Variants in ARHGAP24 observed in about 807,000 individuals in gnomAD.
ARHGAP24 encodes rho GTPase-activating protein 24.
Under a neutral mutation model 76.4 loss-of-function variants are expected in ARHGAP24, and 50 were observed. The ratio of observed to expected loss-of-function variants is 0.65; its 90% CI spans 0.52 to 0.83. The LOEUF (loss-of-function observed/expected upper bound fraction) is 0.83. Among genes scored for constraint, ARHGAP24 ranks in the 40% least tolerant of loss-of-function variants. The pLI is 0.00. For synonymous variants in ARHGAP24, 345 were observed against 323.3 expected, an observed-to-expected ratio of 1.07 and a Z score of -0.72; for missense variants, 930 against 914.2, an observed-to-expected ratio of 1.02 and a Z score of -0.22.
chr4:85,784,931 CTATCTA>C (rs1560631875), intron 3 of ARHGAP24, among the ~76,000 whole-genome samples: 4 of 151,234 alleles, frequency 2.6e-5, no homozygotes, highest in African/African-American at 9.8e-5. Flanking sequence ...ATCTATCTAT[CTATCTA>C]TCTATCTATC....
intron 1 of ARHGAP24, among the ~76,000 whole-genome samples, chr4:85,488,785 T>C (rs2094049752): frequency 6.6e-6 from 1 of 152,176 alleles, no homozygotes; most frequent in Non-Finnish European, 1.5e-5. Flanking sequence ...TTGGCAAAAA[T>C]GGAGAAAAGA....
intron 5 of ARHGAP24, among the ~76,000 whole-genome samples, chr4:85,946,942 C>A (rs1359050931): frequency 2.6e-5 from 4 of 152,164 alleles, no homozygotes; most frequent in African/African-American, 7.2e-5. Context: ...ATTTACATTC[C>A]CATTAACAGT....
At chr4:85,966,763 C>G (rs1006263882) in intron 5 of ARHGAP24, among the ~76,000 whole-genome samples, 1 of 152,044 alleles carries the variant, frequency 6.6e-6, no homozygotes, top group African/African-American at 2.4e-5. Context: ...ATGGATATGA[C>G]ATTATTATTA....
At chr4:85,837,097 C>G (rs1386244149) in intron 3 of ARHGAP24, among the ~76,000 whole-genome samples, 2 of 152,224 alleles carry the variant, frequency 1.3e-5, no homozygotes, top group Admixed American at 6.5e-5. Flanking sequence ...ATATTTATCT[C>G]TGAAAGTTTT....
chr4:85,607,500 A>T (rs75470023), intron 2 of ARHGAP24, among the ~76,000 whole-genome samples: 8,174 of 151,978 alleles, frequency 0.054, 722 homozygotes, highest in African/African-American at 0.19. Context: ...AATATCATGC[A>T]GGAATCATCT....
chr4:86,001,300 A>G lies in ARHGAP24; in HGVS notation c.*578A>G. 2.5e-6 allele frequency: 1 copy of G among 399,094 alleles called. No individual in the cohort carries two copies. Among genetic ancestry groups the G allele is most frequent in the Non-Finnish European group, 4.4e-6 (1 of 226,098 alleles). 24.7% of individuals were successfully genotyped at this position (399,094 alleles called of 1,614,324 possible). A position where few individuals can be genotyped will look rare whatever the true frequency, so the allele number is the denominator to read the frequency against. On this transcript the variant is annotated 3_prime_UTR_variant, in exon 10 of 10. Coordinates refer to ENST00000395184, the MANE Select transcript of ARHGAP24 (RefSeq NM_001025616.3). ...AAATGTAAATAGTTTTATAAAATAC[A>G]GTCGAATCACCAGGAACCTTTGAGC...
intron 2 of ARHGAP24, among the ~76,000 whole-genome samples, chr4:85,600,450 T>C (rs1367525181): frequency 6.6e-6 from 1 of 152,182 alleles, no homozygotes; most frequent in Non-Finnish European, 1.5e-5. Context: ...GGAATACTAG[T>C]TATGAAAGCC....
chr4:85,752,248 T>C (rs1227010931), intron 3 of ARHGAP24, among the ~76,000 whole-genome samples: 1 of 152,200 alleles, frequency 6.6e-6, no homozygotes, highest in Non-Finnish European at 1.5e-5. Context: ...GTGTGTGCAG[T>C]TACTGGGGAG....
chr4:85,626,311 A>G (rs1277873925), intron 2 of ARHGAP24, among the ~76,000 whole-genome samples: 3 of 152,200 alleles, frequency 2.0e-5, no homozygotes, highest in Non-Finnish European at 4.4e-5. Context: ...AAAGGATTTT[A>G]TTTCTCCTTC....
chr4:85,603,784 A>G (rs1720108040), intron 2 of ARHGAP24, among the ~76,000 whole-genome samples: 1 of 152,218 alleles, frequency 6.6e-6, no homozygotes, highest in Non-Finnish European at 1.5e-5. Context: ...CTAATGGTTC[A>G]TTAATGTGTC....
At chr4:85,676,775 C>T (rs1225274804) in intron 2 of ARHGAP24, among the ~76,000 whole-genome samples, 3 of 152,120 alleles carry the variant, frequency 2.0e-5, no homozygotes, top group Non-Finnish European at 2.9e-5. Context: ...TGCAGAGACA[C>T]GGAGAGCAAT....
At chr4:85,542,405 T>C (rs1994074) in intron 1 of ARHGAP24, among the ~76,000 whole-genome samples, 18,779 of 152,112 alleles carry the variant, frequency 0.12, 3,274 homozygotes, top group African/African-American at 0.39. Context: ...GGAATTCTCT[T>C]GTAGCTACTG....
chr4:85,695,420 TTAAAAA>T (rs1439813347), intron 2 of ARHGAP24, among the ~76,000 whole-genome samples: 1 of 152,172 alleles, frequency 6.6e-6, no homozygotes, highest in African/African-American at 2.4e-5. Context: ...GTGAAAGAGA[TTAAAAA>T]TAAAAATATA....
chr4:85,838,367 G>A (rs1442528101), intron 3 of ARHGAP24, among the ~76,000 whole-genome samples: 1 of 152,226 alleles, frequency 6.6e-6, no homozygotes, highest in Non-Finnish European at 1.5e-5. Flanking sequence ...GGAGGCTGAG[G>A]TGGGCAGATC....
intron 3 of ARHGAP24, among the ~76,000 whole-genome samples, chr4:85,900,073 G>A (rs1313441305): frequency 2.6e-5 from 4 of 152,150 alleles, no homozygotes; most frequent in African/African-American, 9.7e-5. Flanking sequence ...ATATTAAAAT[G>A]TTTATGCTGT....
chr4:85,610,352 G>A (rs2109995111), intron 2 of ARHGAP24, among the ~76,000 whole-genome samples: 1 of 150,568 alleles, frequency 6.6e-6, no homozygotes, highest in East Asian at 2.0e-4. Context: ...GCTGAGGCGG[G>A]AGAATGGCGT....
rs1043606708 is a variant in ARHGAP24 at position 86,001,411 on chromosome 4, G to C, written c.*689G>C. 2.5e-6 allele frequency: 1 copy of C among 398,854 alleles called. No homozygotes were observed. The highest frequency in any genetic ancestry group is 2.1e-5 in the African/African-American group (1 of 48,630). 24.7% of individuals were successfully genotyped at this position (398,854 alleles called of 1,614,324 possible). ...AGGAACTTTGAGACTCCATGAGAAA[G>C]TCCCTTTCTGAGGCCCACTGTCTAC... On this transcript the variant is annotated 3_prime_UTR_variant, in exon 10 of 10. Transcript: ENST00000395184.
intron 3 of ARHGAP24, among the ~76,000 whole-genome samples, chr4:85,725,115 A>G (rs929266897): frequency 1.2e-4 from 18 of 151,860 alleles, no homozygotes; most frequent in African/African-American, 4.3e-4. Context: ...ATGATGCCTT[A>G]GCTTTCTTAG....
At chr4:85,988,915 A>G (rs1490067783) in intron 8 of ARHGAP24, among the ~76,000 whole-genome samples, 1 of 151,748 alleles carries the variant, frequency 6.6e-6, no homozygotes, top group Non-Finnish European at 1.5e-5. Context: ...AGGAAAATTC[A>G]TATAATTATG....
Sources: gnomAD v4.1 joint callset for allele counts (sites outside exome capture counted in the v4.1 genomes callset) on GRCh38, gnomAD v4.1.1 for gene constraint, MANE v1.5 for transcripts, NCBI Gene and HGNC (gene_info 2026-07-23, HGNC 2026-07-21) for gene names.